The following HLCS variants were observed in gnomAD, a reference collection of about 807,000 sequenced individuals.
HLCS encodes the protein holocarboxylase synthetase.
A neutral mutation model predicts 75.0 loss-of-function variants in HLCS; 53 were observed. The ratio of observed to expected loss-of-function variants is 0.71; its 90% CI spans 0.57 to 0.89. The LOEUF (loss-of-function observed/expected upper bound fraction) is 0.89, where lower values mean the gene tolerates loss of function less well. HLCS is among the 40% of genes least tolerant of loss of function. HLCS has a pLI of 0.00. For synonymous variants in HLCS, 431 were observed against 428.6 expected, an observed-to-expected ratio of 1.01 and a Z score of -0.07; for missense variants, 966 against 1,074.0, an observed-to-expected ratio of 0.90 and a Z score of 1.41.
intron 5 of HLCS, among the ~76,000 whole-genome samples, chr21:36,901,254 T>A (rs577765593): frequency 1.4e-4 from 21 of 151,268 alleles, no homozygotes; most frequent in Non-Finnish European, 2.5e-4. Context: ...AAATTTTTTT[T>A]AAAAAAGGAA....
chr21:36,841,262 C>T (rs75332284), intron 6 of HLCS, among the ~76,000 whole-genome samples: 2,072 of 152,232 alleles, frequency 0.014, 47 homozygotes, highest in African/African-American at 0.047. Flanking sequence ...TTTGGCTTTT[C>T]GGGGAATTTG....
rs1601803544 is a variant in HLCS at position 36,936,881 on chromosome 21, G to A, written c.1005C>T (p.Asp335=). The change falls in exon 4 of 11, where the codon GAC becomes GAT. Residue 335 remains aspartate, a synonymous_variant. Transcript: ENST00000674895. ...GAATATAACTGTCAATGTCCACACA[G>A]TCGGCCAGCACAGACCGGACCTCGT... ...RFHEVRSVLA[D]CVDIDSYILY... is the part of the protein sequence containing the mutation. 2 of 1,614,042 alleles carry A rather than the reference G, an allele frequency of 1.2e-6. No homozygotes were observed. Among genetic ancestry groups the A allele is most frequent in the South Asian group, 1.1e-5 (1 of 91,090 alleles).
At chr21:36,846,317 T>C (rs1429904985) in intron 6 of HLCS, among the ~76,000 whole-genome samples, 4 of 152,176 alleles carry the variant, frequency 2.6e-5, no homozygotes, top group Admixed American at 6.5e-5. Flanking sequence ...AGGCACTCAA[T>C]AAATGTTGGT....
At chr21:36,862,742 C>T (rs1002113747) in intron 6 of HLCS, among the ~76,000 whole-genome samples, 57 of 152,210 alleles carry the variant, frequency 3.7e-4, no homozygotes, top group African/African-American at 1.3e-3. Flanking sequence ...TCGCTGCTCT[C>T]GCATGGCTGA....
At chr21:36,897,700 T>C (rs2065068593) in intron 5 of HLCS, among the ~76,000 whole-genome samples, 1 of 152,012 alleles carries the variant, frequency 6.6e-6, no homozygotes, top group Non-Finnish European at 1.5e-5. Flanking sequence ...GAAAGTGGGG[T>C]ACCCCAAAGC....
At chr21:36,900,379 C>T (rs1456817379) in intron 5 of HLCS, among the ~76,000 whole-genome samples, 3 of 152,074 alleles carry the variant, frequency 2.0e-5, no homozygotes, top group Admixed American at 6.6e-5. Flanking sequence ...CAGAGGCTCC[C>T]GGAGCAGGGA....
chr21:36,880,754 AC>A (rs1342453357), intron 6 of HLCS, among the ~76,000 whole-genome samples: 2 of 152,138 alleles, frequency 1.3e-5, no homozygotes, highest in Non-Finnish European at 2.9e-5. Flanking sequence ...CTTTAACAAA[AC>A]ATCGAAATCC....
At chr21:36,959,372 G>A (rs1050247478) in intron 2 of HLCS, among the ~76,000 whole-genome samples, 31 of 152,232 alleles carry the variant, frequency 2.0e-4, no homozygotes, top group African/African-American at 6.5e-4. Flanking sequence ...GAGGGAGGCC[G>A]AGGAGGGGCT....
chr21:36,890,187 T>A (rs978645010), intron 6 of HLCS, among the ~76,000 whole-genome samples: 3 of 152,172 alleles, frequency 2.0e-5, no homozygotes, highest in African/African-American at 7.2e-5. Context: ...TGTGAGTCAG[T>A]TAAACCTCTT....
intron 2 of HLCS, chr21:36,943,259 T>C (rs1172309372): frequency 1.3e-5 from 2 of 152,194 alleles, no homozygotes; most frequent in Non-Finnish European, 2.9e-5. Flanking sequence ...CGAACACATC[T>C]AGATTAGGCT....
At chr21:36,831,340 G>A (rs75576346) in intron 6 of HLCS, among the ~76,000 whole-genome samples, 1 of 152,242 alleles carries the variant, frequency 6.6e-6, no homozygotes, top group East Asian at 1.9e-4. Context: ...AAATCTTTGA[G>A]GGTAGCCAAA....
At chr21:36,965,831 A>T (rs949310744) in intron 1 of HLCS, among the ~76,000 whole-genome samples, 2 of 151,438 alleles carry the variant, frequency 1.3e-5, no homozygotes, top group Non-Finnish European at 2.9e-5. Flanking sequence ...TCCGGGGCTC[A>T]AGTGAACCTC....
At chr21:36,945,994 G>A (rs2067373787) in intron 2 of HLCS, 1 of 367,366 alleles carries the variant, frequency 2.7e-6, no homozygotes, top group African/African-American at 2.2e-5. Context: ...GTAAGGTAGA[G>A]ATAAGAGCAC....
rs376822918 is a variant in HLCS at position 36,842,085 on chromosome 21, G to A, written c.1892+54775C>T. 1.0e-3 allele frequency among the ~76,000 whole-genome samples: 155 copies of A among 152,224 alleles called. 1 individual carries two copies. The highest frequency in any genetic ancestry group is 3.3e-3 in the African/African-American group (135 of 41,536). On this transcript the variant is annotated intron_variant, in intron 6 of 10. Transcript: ENST00000674895. The surrounding 1 kb of genome is among the most constrained non-coding windows in gnomAD (Gnocchi z 4.2). ...CAAACCAGAAACAACCCAAATGCCC[G>A]TTAATAGTAGAAGATAAACAAATTG... is the stretch of plus-strand genomic sequence containing the variant.
chr21:36,759,649 G>T, intron 9 of HLCS, 78 bp downstream of exon 9: 1 of 841,492 alleles, frequency 1.2e-6, no homozygotes, highest in Non-Finnish European at 2.1e-6. Context: ...TCCTGCCAAT[G>T]TAGGCATGCA....
At chr21:36,861,680 T>C (rs2063386804) in intron 6 of HLCS, among the ~76,000 whole-genome samples, 1 of 152,238 alleles carries the variant, frequency 6.6e-6, no homozygotes, top group Non-Finnish European at 1.5e-5. Flanking sequence ...TTGCTTATAC[T>C]TTCTTTTAAA....
intron 2 of HLCS, among the ~76,000 whole-genome samples, chr21:36,949,130 G>A (rs2146595110): frequency 6.7e-6 from 1 of 150,002 alleles, no homozygotes; most frequent in Non-Finnish European, 1.5e-5. Context: ...AGTTTTAAGA[G>A]GTATCCCAAG....
At chr21:36,859,531 T>C (rs2063313988) in intron 6 of HLCS, among the ~76,000 whole-genome samples, 1 of 152,212 alleles carries the variant, frequency 6.6e-6, no homozygotes, top group Non-Finnish European at 1.5e-5. Context: ...AACTGTAGTC[T>C]TGTTCTTTTG....
intron 2 of HLCS, among the ~76,000 whole-genome samples, chr21:36,939,381 C>A (rs952172207): frequency 3.3e-5 from 5 of 152,098 alleles, no homozygotes; most frequent in Non-Finnish European, 7.3e-5. Context: ...ACCTGTGGAC[C>A]CGCTTTTCTC....
Sources: allele counts gnomAD v4.1 joint callset (sites outside exome capture counted in the v4.1 genomes callset), GRCh38; gene constraint gnomAD v4.1.1; non-coding constraint Gnocchi (gnomAD v3.1); transcripts MANE v1.5; gene names NCBI Gene and HGNC (gene_info 2026-07-23, HGNC 2026-07-21).